BTBD2: variants seen among roughly 807,000 people sequenced by gnomAD.
BTBD2 encodes the protein BTB/POZ domain-containing protein 2.
In BTBD2, 15 loss-of-function variants were observed where a neutral mutation model predicts 44.0. That is an observed-to-expected ratio of 0.34 (90% CI 0.23 to 0.53). BTBD2 has a LOEUF of 0.53. Ranked by LOEUF, BTBD2 falls within the 20% of genes least tolerant of loss-of-function variation. The probability of loss-of-function intolerance (pLI) is 0.95; values close to 1 mark genes in which losing one functional copy is unlikely to be tolerated. For missense variants in BTBD2, 657 were observed against 746.4 expected (o/e 0.88, Z 1.39); for synonymous variants, 443 against 335.9 (o/e 1.32, Z -3.49).
At chr19:2,001,838 A>G (rs1404651968) in intron 1 of BTBD2, among the ~76,000 whole-genome samples, 1 of 152,272 alleles carries the variant, frequency 6.6e-6, no homozygotes, top group East Asian at 1.9e-4. Flanking sequence ...CCCGAGTTCC[A>G]GTGAGCCTCC....
intron 4 of BTBD2, 42 bp from the exon 5 acceptor site, chr19:1,990,243 A>C: frequency 6.5e-7 from 1 of 1,549,412 alleles, no homozygotes; most frequent in South Asian, 1.2e-5. Flanking sequence ...CGACACCCAC[A>C]TGCCCACCCT....
intron 1 of BTBD2, among the ~76,000 whole-genome samples, chr19:1,999,073 C>T (rs2016290355): frequency 6.6e-6 from 1 of 152,166 alleles, no homozygotes; most frequent in African/African-American, 2.4e-5. Flanking sequence ...GACCTCCACA[C>T]AGCTCCCGGG....
chr19:2,009,807 G>A (rs1466842464), intron 1 of BTBD2, among the ~76,000 whole-genome samples: 4 of 151,932 alleles, frequency 2.6e-5, no homozygotes, highest in South Asian at 2.1e-4. Context: ...CGGAGATCAC[G>A]CCACTGTACC....
chr19:1,990,049 C>G lies in BTBD2; in HGVS notation c.943G>C (p.Gly315Arg). Residue 315 changes from glycine (G) to arginine (R), a missense_variant, in exon 5 of 9, where the codon GGC becomes CGC. This residue lies in a region of BTBD2 where 449 missense variants were observed against 510.9 expected (regional missense o/e 0.88). Transcript: ENST00000255608. ...NRRKVLGKAL[G>R]LIRFPLMTIE... ...GTCATGAGCGGGAAGCGAATGAGGC[C>G]CAGGGCCTTGCCCAGAACCTTCCGC... 6.2e-7 allele frequency: 1 copy of G among 1,613,376 alleles called. No homozygotes were observed. Among genetic ancestry groups the G allele is most frequent in the Non-Finnish European group, 8.5e-7 (1 of 1,180,038 alleles).
intron 5 of BTBD2, among the ~76,000 whole-genome samples, chr19:1,988,907 C>T (rs1010244283): frequency 6.6e-6 from 1 of 151,790 alleles, no homozygotes; most frequent in Non-Finnish European, 1.5e-5. Flanking sequence ...GCCTGGCCAA[C>T]AATTGTATAT....
In BTBD2 at chr19:1,990,757, T is replaced by G. The variant is rs1289155788; in HGVS notation, c.750A>C (p.Ala250=). Residue 250 remains alanine, a synonymous_variant, in exon 4 of 9, where the codon GCA becomes GCC. Transcript: ENST00000255608. ...TGAAGCCCTCCGCGGTGATGGCGTC[T>G]GCAGTGTTTTTGTCGATGTTCTCCA... ...LCLENIDKNT[A]DAITAEGFTD... 8.1e-6 allele frequency: 13 copies of G among 1,603,132 alleles called. No individual in the cohort carries two copies. Among genetic ancestry groups the G allele is most frequent in the Non-Finnish European group, 1.1e-5 (13 of 1,175,248 alleles).
At chr19:2,005,842 G>A (rs1031434156) in intron 1 of BTBD2, among the ~76,000 whole-genome samples, 1 of 151,472 alleles carries the variant, frequency 6.6e-6, no homozygotes, top group African/African-American at 2.4e-5. Context: ...TAATCCCAGT[G>A]CTTTGGGAGG....
At chr19:1,998,553 T>G (rs1365770276) in intron 1 of BTBD2, among the ~76,000 whole-genome samples, 2 of 152,250 alleles carry the variant, frequency 1.3e-5, no homozygotes, top group Admixed American at 6.5e-5. Flanking sequence ...GCTCAGATCT[T>G]CGATATCGCC....
intron 5 of BTBD2, chr19:1,989,777 C>T: frequency 1.7e-6 from 1 of 581,842 alleles, no homozygotes; most frequent in Non-Finnish European, 3.1e-6. Context: ...GCTGGACAGA[C>T]ACGAGAGGCG....
Position 1,996,658 on chromosome 19 carries a change from C to T in BTBD2, c.527+686G>A, listed in dbSNP as rs922634347. On this transcript the variant is annotated intron_variant, in intron 2 of 8. Transcript: ENST00000255608. ...CAGCACTTTGGGAGGCTGAGGCAGG[C>T]GGATCACCTGAGGCCAGGAGTCTGA... is the stretch of plus-strand genomic sequence containing the variant. 5.4e-5 allele frequency among the ~76,000 whole-genome samples: 8 copies of T among 148,784 alleles called. 1 individual carries two copies. The highest frequency in any genetic ancestry group is 2.0e-4 in the Admixed American group (3 of 14,970).
intron 1 of BTBD2, among the ~76,000 whole-genome samples, chr19:2,006,528 A>AAAAAAG (rs1568221825): frequency 6.6e-6 from 1 of 150,678 alleles, no homozygotes; most frequent in African/African-American, 2.5e-5. Context: ...AAAAGAAAAG[A>AAAAAAG]AAAATCACCC....
At position 2,008,051 on chromosome 19, in the gene BTBD2, C is replaced by A. The variant is rs1599360045; in HGVS notation, c.407+7246G>T. 2.0e-5 allele frequency among the ~76,000 whole-genome samples: 3 copies of A among 151,640 alleles called. No individual in the cohort carries two copies. The South Asian group carries it at 6.2e-4, about 32-fold the overall frequency. Reference sequence around the variant, plus strand: ...CAGAATTTTACTCTTTTTGCCCAGGCTGGAGTGCAGCAGCACGATCTCAGC... The same window carrying A: ...CAGAATTTTACTCTTTTTGCCCAGGATGGAGTGCAGCAGCACGATCTCAGC... On this transcript the variant is annotated intron_variant, in intron 1 of 8. Coordinates refer to ENST00000255608, the MANE Select transcript of BTBD2 (RefSeq NM_017797.4).
At chr19:1,998,868 G>A (rs1796567066) in intron 1 of BTBD2, among the ~76,000 whole-genome samples, 3 of 152,070 alleles carry the variant, frequency 2.0e-5, no homozygotes, top group African/African-American at 7.2e-5. Context: ...GCGCGCGGCG[G>A]AGCACCTGCC....
chr19:2,002,391 T>G (rs10413498), intron 1 of BTBD2, among the ~76,000 whole-genome samples: 56,724 of 151,808 alleles, frequency 0.37, 11,134 homozygotes, highest in African/African-American at 0.51. Flanking sequence ...CGAAGTTCTG[T>G]AAGCTGTTAT....
Position 2,005,071 on chromosome 19 carries a change from C to T in BTBD2, c.408-7608G>A, listed in dbSNP as rs554645606. Reference sequence around the variant, plus strand: ...TCCTGACCTCGTGATCTGCCTGTCTCGGCCTCCCAAAGTGCTGGGATTACA... The same window carrying T: ...TCCTGACCTCGTGATCTGCCTGTCTTGGCCTCCCAAAGTGCTGGGATTACA... On this transcript the variant is annotated intron_variant, in intron 1 of 8. Transcript: ENST00000255608. Among the ~76,000 whole-genome samples the T allele has an allele frequency of 2.6e-5, 4 of 152,136 alleles. No individual in the cohort carries two copies. The East Asian group carries it at 5.8e-4, about 22-fold the overall frequency.
intron 1 of BTBD2, among the ~76,000 whole-genome samples, chr19:2,005,931 G>GAA (rs961212010): frequency 1.3e-4 from 20 of 151,652 alleles, no homozygotes; most frequent in African/African-American, 4.6e-4. Flanking sequence ...CTACTAAACA[G>GAA]AAAAAAATCA....
chr19:1,996,492 T>TTG (rs1428497159), intron 2 of BTBD2, among the ~76,000 whole-genome samples: 1 of 140,620 alleles, frequency 7.1e-6, no homozygotes, highest in Non-Finnish European at 1.5e-5. Flanking sequence ...TTTTTGTTGT[T>TTG]GTTGTTATTT....
chr19:1,987,200 A>G lies in BTBD2; in HGVS notation c.1235T>C (p.Ile412Thr). ...CACTTGGTAGTCGGTGGGCCCGTGGATGGATCCATACAGCCCAAATCCCAC... is the reference window on the plus strand; with the variant it reads ...CACTTGGTAGTCGGTGGGCCCGTGGGTGGATCCATACAGCCCAAATCCCAC... ...FVVGFGLYGS[I>T]HGPTDYQVNI... The change falls in exon 7 of 9, where the codon ATC (isoleucine) becomes ACC (threonine). Residue 412 changes from isoleucine to threonine, a missense_variant. By Grantham distance (89) the Ile-to-Thr change is moderately conservative. Transcript: ENST00000255608. 6.2e-7 allele frequency: 1 copy of G among 1,613,560 alleles called. No individual in the cohort carries two copies. The highest frequency in any genetic ancestry group is 8.5e-7 in the Non-Finnish European group (1 of 1,179,762).
In BTBD2 at chr19:1,986,312, C is replaced by G; in HGVS notation, c.*176G>C. The G allele has an allele frequency of 1.3e-6, 1 of 776,376 alleles. No individual in the cohort carries two copies. The highest frequency in any genetic ancestry group is 2.0e-6 in the Non-Finnish European group (1 of 491,132). 48.1% of individuals were successfully genotyped at this position (776,376 alleles called of 1,614,324 possible). On this transcript the variant is annotated 3_prime_UTR_variant, in exon 9 of 9. Transcript: ENST00000255608. The stretch of plus-strand genomic sequence containing the variant: ...CGGCTGCCCTGATCCAGCAGCCACA[C>G]TCGTGGTGAACACAGGGCAACCCCG...
Sources: gnomAD v4.1 joint callset for allele counts (sites outside exome capture counted in the v4.1 genomes callset) on GRCh38, gnomAD v4.1.1 for gene constraint, gnomAD v4.1.1 regional missense constraint, MANE v1.5 for transcripts, NCBI Gene and HGNC (gene_info 2026-07-23, HGNC 2026-07-21) for gene names.